AKT3: variants seen among roughly 807,000 people sequenced by gnomAD.
AKT3 encodes RAC-gamma serine/threonine-protein kinase.
A neutral mutation model predicts 65.3 loss-of-function variants in AKT3; 15 were observed. That is an observed-to-expected ratio of 0.23 (90% CI 0.15 to 0.35). The LOEUF is 0.35. Among genes scored for constraint, AKT3 ranks in the 10% least tolerant of loss-of-function variants. The pLI, the probability that AKT3 is intolerant of heterozygous loss-of-function variation, is 1.00. For missense variants in AKT3, 243 were observed against 576.5 expected, an observed-to-expected ratio of 0.42 and a Z score of 5.92; for synonymous variants, 206 against 183.8, an observed-to-expected ratio of 1.12 and a Z score of -0.98.
intron 2 of AKT3, among the ~76,000 whole-genome samples, chr1:243,834,375 G>A (rs1213594409): frequency 1.3e-5 from 2 of 152,150 alleles, no homozygotes; most frequent in Non-Finnish European, 2.9e-5. Flanking sequence ...TGGAGCTGGA[G>A]GGTATTACCT....
chr1:243,641,313 TAC>T (rs1382014023), intron 5 of AKT3, among the ~76,000 whole-genome samples: 3 of 148,694 alleles, frequency 2.0e-5, no homozygotes, highest in Non-Finnish European at 4.4e-5. Context: ...CATACATATA[TAC>T]ACACATATAT....
intron 2 of AKT3, among the ~76,000 whole-genome samples, chr1:243,704,080 A>G (rs939083602): frequency 6.6e-6 from 1 of 152,188 alleles, no homozygotes; most frequent in Non-Finnish European, 1.5e-5. Context: ...CTTGTCATCA[A>G]CCAGCTTTGG....
chr1:243,815,071 G>C (rs565266511), intron 2 of AKT3, among the ~76,000 whole-genome samples: 2 of 152,214 alleles, frequency 1.3e-5, no homozygotes, highest in East Asian at 3.9e-4. Context: ...TTTCCCATGA[G>C]GGTCCTAGAT....
At chr1:243,734,818 C>T (rs1459498483) in intron 2 of AKT3, 2 of 152,228 alleles carry the variant, frequency 1.3e-5, no homozygotes, top group Non-Finnish European at 2.9e-5. Flanking sequence ...AGTAACACAG[C>T]TTAAAGCACA....
At chr1:243,499,065 T>C (rs1668820356), downstream of AKT3, among the ~76,000 whole-genome samples, 1 of 152,224 alleles carries the variant, frequency 6.6e-6, no homozygotes, top group Non-Finnish European at 1.5e-5. Context: ...GTTCCTGATG[T>C]GGTTTAAACT....
chr1:243,805,806 A>G (rs1472980673), intron 2 of AKT3, among the ~76,000 whole-genome samples: 1 of 152,112 alleles, frequency 6.6e-6, no homozygotes, highest in Non-Finnish European at 1.5e-5. Flanking sequence ...TGTTTCTCAT[A>G]TTCATTCTTC....
intron 12 of AKT3, among the ~76,000 whole-genome samples, chr1:243,544,550 A>T (rs1287744964): frequency 6.6e-6 from 1 of 152,102 alleles, no homozygotes; most frequent in South Asian, 2.1e-4. Context: ...CTGGGGAGGT[A>T]GAGGCTGCTG....
chr1:243,648,186 A>C (rs1680989914), intron 4 of AKT3, among the ~76,000 whole-genome samples: 2 of 152,028 alleles, frequency 1.3e-5, no homozygotes, highest in South Asian at 4.2e-4. Context: ...TGAACCCAGG[A>C]AATGGAGGTT....
chr1:243,831,136 T>A (rs1694483154), intron 2 of AKT3, among the ~76,000 whole-genome samples: 1 of 152,174 alleles, frequency 6.6e-6, no homozygotes, highest in Non-Finnish European at 1.5e-5. Flanking sequence ...AGAATCATTA[T>A]TTTCTTCCCC....
At chr1:243,677,373 G>A (rs1448592646) in intron 3 of AKT3, among the ~76,000 whole-genome samples, 2 of 152,054 alleles carry the variant, frequency 1.3e-5, no homozygotes, top group Non-Finnish European at 2.9e-5. Context: ...AGGGAATTTG[G>A]AATACTTCTC....
chr1:243,841,449 GAAT>G (rs922072916), intron 2 of AKT3, among the ~76,000 whole-genome samples: 1 of 151,934 alleles, frequency 6.6e-6, no homozygotes, highest in Non-Finnish European at 1.5e-5. Context: ...AAAAAAAGTA[GAAT>G]AATATAAATA....
rs939257705 is a variant in AKT3, at chr1:243,743,215, G to A, written c.47-47499C>T. On this transcript the variant is annotated intron_variant, in intron 2 of 13. Transcript: ENST00000673466. ...TTCAATGATAAGGTTGTAATTGGCC[G>A]GTAAACCTAAAATTAGGCAGATCAA... 9.9e-5 allele frequency among the ~76,000 whole-genome samples: 15 copies of A among 152,176 alleles called. 1 individual carries two copies. In the East Asian group the frequency reaches 1.5e-3, roughly 16 times the overall value.
intron 12 of AKT3, among the ~76,000 whole-genome samples, chr1:243,535,132 A>G (rs1452723200): frequency 3.1e-5 from 4 of 129,186 alleles, no homozygotes; most frequent in Admixed American, 7.8e-5. Flanking sequence ...ATTTTAAAAT[A>G]TAAAATTAAA....
At chr1:243,676,228 CA>C (rs1233460900) in intron 3 of AKT3, among the ~76,000 whole-genome samples, 3 of 152,248 alleles carry the variant, frequency 2.0e-5, no homozygotes, top group Non-Finnish European at 4.4e-5. Flanking sequence ...GAGGCCAATG[CA>C]GATTACCTTC....
intron 2 of AKT3, among the ~76,000 whole-genome samples, chr1:243,835,187 C>G (rs1694815714): frequency 6.6e-6 from 1 of 152,168 alleles, no homozygotes; most frequent in African/African-American, 2.4e-5. Flanking sequence ...AGCAGCATAT[C>G]TGGCCTCTAC....
intron 2 of AKT3, among the ~76,000 whole-genome samples, chr1:243,776,041 T>C (rs1690522482): frequency 6.6e-6 from 1 of 152,232 alleles, no homozygotes; most frequent in African/African-American, 2.4e-5. Context: ...CATCTTCTTC[T>C]CTACTGATAC....
chr1:243,729,386 G>A (rs775894196), intron 2 of AKT3, among the ~76,000 whole-genome samples: 26 of 151,938 alleles, frequency 1.7e-4, no homozygotes, highest in Non-Finnish European at 3.1e-4. Flanking sequence ...TAAAAGGGTG[G>A]AATTCAAAAT....
chr1:243,638,856 GTTAGA>G (rs1680169532), intron 5 of AKT3, among the ~76,000 whole-genome samples: 1 of 151,276 alleles, frequency 6.6e-6, no homozygotes, highest in African/African-American at 2.4e-5. Context: ...ACCCAAAAGA[GTTAGA>G]AGAAAATGAT....
intron 3 of AKT3, among the ~76,000 whole-genome samples, chr1:243,687,102 T>G (rs2147997588): frequency 6.6e-6 from 1 of 152,264 alleles, no homozygotes; most frequent in South Asian, 2.1e-4. Flanking sequence ...CAGTAGAACC[T>G]AGTCCCAAAG....
Sources: allele counts gnomAD v4.1 joint callset (sites outside exome capture counted in the v4.1 genomes callset), GRCh38; gene constraint gnomAD v4.1.1; transcripts MANE v1.5; gene names NCBI Gene and HGNC (gene_info 2026-07-23, HGNC 2026-07-21).